RALGAPA2: variants seen among roughly 807,000 people sequenced by gnomAD.
RALGAPA2 encodes ral GTPase-activating protein subunit alpha-2.
Under a neutral mutation model 230.4 loss-of-function variants are expected in RALGAPA2, and 139 were observed. The ratio of observed to expected loss-of-function variants is 0.60; its 90% CI spans 0.53 to 0.69. RALGAPA2 has a LOEUF of 0.69. RALGAPA2 is among the 30% of genes least tolerant of loss of function. RALGAPA2 has a pLI of 0.00. For missense variants in RALGAPA2, 2,163 were observed against 2,276.0 expected (o/e 0.95, Z 1.01); for synonymous variants, 847 against 837.8 (o/e 1.01, Z -0.19).
At chr20:20,441,490 C>A (rs927960740) in intron 37 of RALGAPA2, among the ~76,000 whole-genome samples, 2 of 152,344 alleles carry the variant, frequency 1.3e-5, no homozygotes, top group Non-Finnish European at 1.5e-5. Flanking sequence ...ACAGCAGAGG[C>A]AGGTCAAGGC....
chr20:20,617,093 G>A (rs964714803), intron 12 of RALGAPA2, among the ~76,000 whole-genome samples: 1 of 152,188 alleles, frequency 6.6e-6, no homozygotes, highest in African/African-American at 2.4e-5. Flanking sequence ...AATTTGGTAC[G>A]AGGACAGACC....
intron 23 of RALGAPA2, among the ~76,000 whole-genome samples, chr20:20,552,812 G>A (rs1256666981): frequency 6.6e-6 from 1 of 152,060 alleles, no homozygotes; most frequent in African/African-American, 2.4e-5. Flanking sequence ...AAGCTCCAAG[G>A]CCTGATTCTC....
intron 37 of RALGAPA2, among the ~76,000 whole-genome samples, chr20:20,468,599 T>G (rs1176623913): frequency 2.6e-5 from 4 of 152,172 alleles, no homozygotes; most frequent in Non-Finnish European, 4.4e-5. Context: ...TCTTGGCCAG[T>G]CTGCTGAAAC....
intron 16 of RALGAPA2, among the ~76,000 whole-genome samples, chr20:20,595,948 T>C (rs1364591011): frequency 6.6e-6 from 1 of 151,446 alleles, no homozygotes; most frequent in Non-Finnish European, 1.5e-5. Flanking sequence ...AGCAAGACTC[T>C]ATCTCAAAAA....
At position 20,712,238 on chromosome 20, in the gene RALGAPA2, G is replaced by A; in HGVS notation, c.106+137C>T. On this transcript the variant is annotated intron_variant, in intron 1 of 39. Coordinates refer to ENST00000202677, the MANE Select transcript of RALGAPA2 (RefSeq NM_020343.4). This position sits in a 1 kb window ranked among gnomAD's most constrained non-coding sequence, Gnocchi z 5.5. ...ACAAAGCCCCGGGGGTCCAAGCCCAGATCCAGGGAAGGGGGTCGGACGCCC... is the reference window on the plus strand; with the variant it reads ...ACAAAGCCCCGGGGGTCCAAGCCCAAATCCAGGGAAGGGGGTCGGACGCCC... The A allele has an allele frequency of 4.7e-6, 4 of 858,412 alleles. No individual in the cohort carries two copies. Among genetic ancestry groups the A allele is most frequent in the Non-Finnish European group, 6.8e-6 (4 of 584,976 alleles). 53.2% of individuals were successfully genotyped at this position (858,412 alleles called of 1,614,324 possible).
chr20:20,430,004 G>A (rs969132239), intron 37 of RALGAPA2, among the ~76,000 whole-genome samples: 1 of 152,260 alleles, frequency 6.6e-6, no homozygotes, highest in Non-Finnish European at 1.5e-5. Context: ...CAGGGTTGAA[G>A]TCAAAGCCCT....
At chr20:20,395,968 T>C (rs2122615545) in intron 39 of RALGAPA2, among the ~76,000 whole-genome samples, 1 of 152,314 alleles carries the variant, frequency 6.6e-6, no homozygotes, top group East Asian at 1.9e-4. Context: ...CTGCTCGCCT[T>C]CCGCCTGTGA....
intron 29 of RALGAPA2, 139 bp downstream of exon 29, chr20:20,524,691 G>A (rs1347827392): frequency 7.8e-7 from 1 of 1,288,730 alleles, no homozygotes; most frequent in Non-Finnish European, 1.1e-6. Flanking sequence ...TAAATAAGTA[G>A]CATTTTCACA....
intron 24 of RALGAPA2, among the ~76,000 whole-genome samples, chr20:20,546,439 T>C (rs1229409430): frequency 6.6e-6 from 1 of 152,234 alleles, no homozygotes; most frequent in South Asian, 2.1e-4. Context: ...AAGAGACAAG[T>C]CCTGCTTCTG....
intron 23 of RALGAPA2, among the ~76,000 whole-genome samples, chr20:20,568,634 C>CTTATA (rs1568589362): frequency 6.6e-6 from 1 of 152,152 alleles, no homozygotes; most frequent in Non-Finnish European, 1.5e-5. Flanking sequence ...TTTTTAGCAT[C>CTTATA]TTATAACTTA....
intron 15 of RALGAPA2, among the ~76,000 whole-genome samples, chr20:20,602,131 C>A (rs2146210874): frequency 6.6e-6 from 1 of 152,248 alleles, no homozygotes; most frequent in African/African-American, 2.4e-5. Context: ...TATTAATAAA[C>A]CTTTCTCAAT....
In RALGAPA2 at chr20:20,639,888, G is replaced by A. The variant is rs368145993; in HGVS notation, c.563C>T (p.Pro188Leu). 3 of 1,609,968 alleles carry A rather than the reference G, an allele frequency of 1.9e-6. No homozygotes were observed. The highest frequency in any genetic ancestry group is 1.7e-6 in the Non-Finnish European group (2 of 1,176,392). Residue 188 changes from proline to leucine, a missense_variant, in exon 7 of 40, where the codon CCA becomes CTA. Transcript: ENST00000202677. The stretch of plus-strand genomic sequence containing the variant: ...TGGTAGGAGTGGAGTGATTTCTTCT[G>A]GATATATCTTTACTGAAAGGACAGA... ...SPSVADVKIYPEEITPLLPAI... is the reference protein window; with the variant it reads ...SPSVADVKIYLEEITPLLPAI...
intron 23 of RALGAPA2, among the ~76,000 whole-genome samples, chr20:20,567,936 T>C (rs1334114582): frequency 6.6e-6 from 1 of 151,618 alleles, no homozygotes; most frequent in Non-Finnish European, 1.5e-5. Flanking sequence ...ATGGTATTTA[T>C]TGAATTGAAT....
Position 20,513,237 on chromosome 20 carries a change from C to G in RALGAPA2, c.4132G>C (p.Val1378Leu). 1.3e-6 allele frequency: 2 copies of G among 1,507,216 alleles called. No individual in the cohort carries two copies. Among genetic ancestry groups the G allele is most frequent in the Non-Finnish European group, 1.8e-6 (2 of 1,129,754 alleles). The allele number at this position is 1,507,216 out of a possible 1,614,324, so 93.4% of individuals were successfully genotyped here. ...LELIPLTARM[V>L]MAHLVNHLGH... ...AGGTGGTTCACCAGGTGGGCCATCA[C>G]CATTCGAGCAGTCAAAGGGATCAAC... The change falls in exon 32 of 40, where the codon GTG becomes CTG. Residue 1378 changes from valine to leucine, a missense_variant. Physicochemically the swap from Val to Leu is conservative, Grantham distance 32. Coordinates refer to ENST00000202677, the MANE Select transcript of RALGAPA2 (RefSeq NM_020343.4).
intron 32 of RALGAPA2, among the ~76,000 whole-genome samples, chr20:20,512,248 C>CACACAT (rs1244421461): frequency 1.3e-5 from 2 of 151,524 alleles, no homozygotes; most frequent in African/African-American, 4.8e-5. Context: ...CATACACACA[C>CACACAT]ACACACACAC....
intron 20 of RALGAPA2, among the ~76,000 whole-genome samples, chr20:20,580,045 C>T (rs2064941050): frequency 6.6e-6 from 1 of 152,098 alleles, no homozygotes; most frequent in African/African-American, 2.4e-5. Flanking sequence ...ACTATAGTGG[C>T]TTATGACTTA....
intron 24 of RALGAPA2, among the ~76,000 whole-genome samples, chr20:20,538,868 T>G (rs1472574554): frequency 6.6e-6 from 1 of 152,146 alleles, no homozygotes; most frequent in East Asian, 1.9e-4. Context: ...AAGTCCTCTT[T>G]GTGCCCCTCC....
In RALGAPA2 at chr20:20,672,033, C is replaced by G. The variant is rs908729975; in HGVS notation, c.270+4203G>C. Among the ~76,000 whole-genome samples, 3 of 152,302 alleles carry G rather than the reference C, an allele frequency of 2.0e-5. 1 individual carries two copies. The highest frequency in any genetic ancestry group is 2.4e-5 in the African/African-American group (1 of 41,570). On this transcript the variant is annotated intron_variant, in intron 3 of 39. Coordinates refer to ENST00000202677, the MANE Select transcript of RALGAPA2 (RefSeq NM_020343.4). Reference sequence around the variant, plus strand: ...GAAAAAACTGCAGAATGCCAAGGAGCTGATGCCAACACCAGCGCTAGGATT... The same window carrying G: ...GAAAAAACTGCAGAATGCCAAGGAGGTGATGCCAACACCAGCGCTAGGATT...
chr20:20,394,243 G>A (rs1017826659), intron 39 of RALGAPA2, among the ~76,000 whole-genome samples: 6 of 152,066 alleles, frequency 3.9e-5, no homozygotes, highest in African/African-American at 1.4e-4. Context: ...ACTTGCAAAC[G>A]TGCTTGGACC....
Sources: allele counts gnomAD v4.1 joint callset (sites outside exome capture counted in the v4.1 genomes callset), GRCh38; gene constraint gnomAD v4.1.1; non-coding constraint Gnocchi (gnomAD v3.1); transcripts MANE v1.5; gene names NCBI Gene and HGNC (gene_info 2026-07-23, HGNC 2026-07-21).